SNX29: variants seen among roughly 807,000 people sequenced by gnomAD.
SNX29 encodes sorting nexin-29.
A neutral mutation model predicts 102.1 loss-of-function variants in SNX29; 78 were observed. The observed-to-expected ratio is 0.76, with a 90% confidence interval of 0.64 to 0.92. The LOEUF is 0.92. Ranked by LOEUF, SNX29 falls within the 40% of genes least tolerant of loss-of-function variation. The pLI, the probability that SNX29 is intolerant of heterozygous loss-of-function variation, is 0.00. For missense variants in SNX29, 1,280 were observed against 1,061.7 expected (o/e 1.21, Z -2.86); for synonymous variants, 580 against 414.5 (o/e 1.40, Z -4.85).
chr16:12,180,885 G>T (rs1050975267), intron 13 of SNX29, among the ~76,000 whole-genome samples: 8 of 152,158 alleles, frequency 5.3e-5, no homozygotes, highest in African/African-American at 1.9e-4. Context: ...GTGGTGTTAG[G>T]CATACTGCAG....
intron 20 of SNX29, among the ~76,000 whole-genome samples, chr16:12,544,602 C>G (rs758669292): frequency 6.6e-6 from 1 of 152,232 alleles, no homozygotes; most frequent in Non-Finnish European, 1.5e-5. Context: ...TGAGTTGTCA[C>G]TCCTGACTCT....
intron 19 of SNX29, among the ~76,000 whole-genome samples, chr16:12,481,437 T>C (rs1435546776): frequency 2.1e-5 from 3 of 141,634 alleles, no homozygotes; most frequent in African/African-American, 5.5e-5. Flanking sequence ...TATACACATA[T>C]ATACACACAC....
intron 19 of SNX29, among the ~76,000 whole-genome samples, chr16:12,496,411 T>C (rs1404800343): frequency 6.6e-6 from 1 of 152,000 alleles, no homozygotes; most frequent in Non-Finnish European, 1.5e-5. Flanking sequence ...GTTGCAACCA[T>C]TGTGAGGCAC....
intron 11 of SNX29, among the ~76,000 whole-genome samples, chr16:12,123,013 G>T (rs768935574): frequency 1.3e-4 from 20 of 152,088 alleles, no homozygotes; most frequent in Non-Finnish European, 2.1e-4. Context: ...TTTTAGTAGA[G>T]ATGAGGTTTC....
At chr16:12,128,466 T>TC (rs2054313832) in intron 12 of SNX29, among the ~76,000 whole-genome samples, 1 of 151,062 alleles carries the variant, frequency 6.6e-6, no homozygotes, top group Non-Finnish European at 1.5e-5. Flanking sequence ...TTTTTTTTTT[T>TC]TTTTGAGACG....
intron 15 of SNX29, among the ~76,000 whole-genome samples, chr16:12,299,856 T>C (rs1461296959): frequency 3.3e-5 from 5 of 151,724 alleles, no homozygotes; most frequent in Admixed American, 3.3e-4. Context: ...AATCTCTTAA[T>C]GGCATAAATA....
At chr16:12,268,778 A>G (rs1304077106) in intron 14 of SNX29, among the ~76,000 whole-genome samples, 2 of 152,176 alleles carry the variant, frequency 1.3e-5, no homozygotes, top group African/African-American at 4.8e-5. Flanking sequence ...GCTTGTTCAC[A>G]TTGAAAGCAA....
chr16:12,504,498 A>G (rs577367197), intron 19 of SNX29, among the ~76,000 whole-genome samples: 4 of 152,276 alleles, frequency 2.6e-5, no homozygotes, highest in Admixed American at 6.5e-5. Flanking sequence ...GGAATCATGC[A>G]CTGTGAACTC....
chr16:12,561,550 C>T (rs375502907), intron 20 of SNX29, among the ~76,000 whole-genome samples: 1 of 152,072 alleles, frequency 6.6e-6, no homozygotes, highest in East Asian at 1.9e-4. Flanking sequence ...GCCATTTTCA[C>T]TGATGAGCAG....
At chr16:12,023,585 A>AAAAG (rs2057095602) in intron 3 of SNX29, among the ~76,000 whole-genome samples, 1 of 149,612 alleles carries the variant, frequency 6.7e-6, no homozygotes, top group African/African-American at 2.5e-5. Context: ...CTCAAAAAAA[A>AAAAG]AAAAGAAAAG....
intron 19 of SNX29, among the ~76,000 whole-genome samples, chr16:12,502,069 C>A (rs1036826064): frequency 6.6e-6 from 1 of 152,196 alleles, no homozygotes; most frequent in Non-Finnish European, 1.5e-5. Flanking sequence ...GAACATGGGA[C>A]CTGCTTAGTG....
intron 8 of SNX29, among the ~76,000 whole-genome samples, chr16:12,061,138 G>A (rs2050757594): frequency 6.6e-6 from 1 of 152,174 alleles, no homozygotes; most frequent in African/African-American, 2.4e-5. Flanking sequence ...CTTCCAGGCA[G>A]CCTTCCATGA....
At chr16:12,067,638 C>G (rs1448144469) in intron 9 of SNX29, among the ~76,000 whole-genome samples, 1 of 152,226 alleles carries the variant, frequency 6.6e-6, no homozygotes, top group Non-Finnish European at 1.5e-5. Context: ...CAGGCGTGCA[C>G]TACCTCGCAC....
chr16:12,457,179 A>G (rs1011692710), intron 18 of SNX29, among the ~76,000 whole-genome samples: 5 of 152,250 alleles, frequency 3.3e-5, no homozygotes, highest in African/African-American at 9.6e-5. Flanking sequence ...AGAATTGCTA[A>G]TAACAGTACA....
intron 18 of SNX29, among the ~76,000 whole-genome samples, chr16:12,436,400 ATT>A (rs1226503407): frequency 6.6e-6 from 1 of 152,216 alleles, no homozygotes; most frequent in African/African-American, 2.4e-5. Flanking sequence ...GATGCGTGAC[ATT>A]TCCGTGTGTA....
rs891659475 is a variant in SNX29 at position 12,571,522 on chromosome 16, C to T, written c.*2893C>T. On this transcript the variant is annotated 3_prime_UTR_variant, in exon 21 of 21. Transcript: ENST00000566228. ...GCCCACCTCTCAAGGGCCTTGGATT[C>T]CTGGGACCACCCTTTGCTGGGAGGA... is the stretch of plus-strand genomic sequence containing the variant. 17 of 778,660 alleles carry T rather than the reference C, an allele frequency of 2.2e-5. No individual in the cohort carries two copies. The Admixed American group carries it at 2.7e-4, about 13-fold the overall frequency. The allele number at this position is 778,660 out of a possible 1,614,324, so 48.2% of individuals were successfully genotyped here.
At chr16:12,441,214 A>G (rs2096574106) in intron 18 of SNX29, among the ~76,000 whole-genome samples, 1 of 150,502 alleles carries the variant, frequency 6.6e-6, no homozygotes, top group South Asian at 2.1e-4. Context: ...CAGCCTCCCG[A>G]GTAGTTGGGA....
intron 19 of SNX29, among the ~76,000 whole-genome samples, chr16:12,486,906 G>A (rs556000547): frequency 3.9e-5 from 6 of 152,040 alleles, no homozygotes; most frequent in South Asian, 2.1e-4. Flanking sequence ...ACAGTTACTC[G>A]TTCATTTATT....
chr16:12,469,188 C>T (rs1328121423), intron 18 of SNX29, among the ~76,000 whole-genome samples: 1 of 152,196 alleles, frequency 6.6e-6, no homozygotes, highest in Non-Finnish European at 1.5e-5. Flanking sequence ...TACTAGGCTG[C>T]CTCATTTACA....
Sources: gnomAD v4.1 joint callset for allele counts (sites outside exome capture counted in the v4.1 genomes callset) on GRCh38, gnomAD v4.1.1 for gene constraint, MANE v1.5 for transcripts, NCBI Gene and HGNC (gene_info 2026-07-23, HGNC 2026-07-21) for gene names.